Variants in DLAT observed in about 807,000 individuals in gnomAD.
DLAT encodes the protein dihydrolipoyllysine-residue acetyltransferase component of pyruvate dehydrogenase complex, mitochondrial.
In DLAT, 43 loss-of-function variants were observed where a neutral mutation model predicts 68.0. The observed-to-expected ratio is 0.63, with a 90% CI of 0.50 to 0.81. The LOEUF is 0.81. Ranked by LOEUF, DLAT falls within the 40% of genes least tolerant of loss-of-function variation. The probability of loss-of-function intolerance (pLI) is 0.00; values close to 1 mark genes in which losing one functional copy is unlikely to be tolerated. For missense variants in DLAT, 745 were observed against 815.4 expected (o/e 0.91, Z 1.05); for synonymous variants, 265 against 288.6 (o/e 0.92, Z 0.83).
At chr11:112,025,894 C>T (rs587743173) in intron 1 of DLAT, 143 bp downstream of exon 1, 8 of 1,084,620 alleles carry the variant, frequency 7.4e-6, no homozygotes, top group Admixed American at 2.7e-5. Flanking sequence ...GTTGGCTTTG[C>T]TGTAGCTCCT....
chr11:112,030,837 T>A (rs369265121), intron 4 of DLAT, among the ~76,000 whole-genome samples: 30 of 152,348 alleles, frequency 2.0e-4, no homozygotes, highest in African/African-American at 6.7e-4. Context: ...TTTTTCTCCT[T>A]TGGAAATAAT....
intron 11 of DLAT, among the ~76,000 whole-genome samples, chr11:112,052,736 T>TCG (rs1566632034): frequency 6.6e-6 from 1 of 152,070 alleles, no homozygotes; most frequent in African/African-American, 2.4e-5. Flanking sequence ...GAGTTTGATC[T>TCG]CCAGGATCTC....
chr11:112,059,855 G>A, intron 11 of DLAT, 48 bp from the exon 12 acceptor site: 4 of 1,464,010 alleles, frequency 2.7e-6, no homozygotes, highest in South Asian at 1.3e-5. Flanking sequence ...TGGCACACAG[G>A]CTCTTAATAA....
At chr11:112,036,141 G>A (rs1206673427) in intron 5 of DLAT, among the ~76,000 whole-genome samples, 1 of 134,318 alleles carries the variant, frequency 7.4e-6, no homozygotes, top group Non-Finnish European at 1.6e-5. Context: ...ATATGTGTGT[G>A]TATATATATA....
Position 112,045,844 on chromosome 11 carries a change from T to A in DLAT, c.1291-19T>A, listed in dbSNP as rs1566626056. The stretch of plus-strand genomic sequence containing the variant: ...TCTTAACTCAAGATAATTGATTTTT[T>A]AAATCTCTTTGGTTTCAGGTTATTG... On this transcript the variant is annotated intron_variant, in intron 9 of 13. Coordinates refer to ENST00000280346, the MANE Select transcript of DLAT (RefSeq NM_001931.5). 1 of 1,523,744 alleles carries A rather than the reference T, an allele frequency of 6.6e-7. No individual in the cohort carries two copies. The highest frequency in any genetic ancestry group is 9.1e-7 in the Non-Finnish European group (1 of 1,098,146). The allele number at this position is 1,523,744 out of a possible 1,614,324, so 94.4% of individuals were successfully genotyped here.
chr11:112,034,610 T>G (rs1862593576), intron 5 of DLAT, among the ~76,000 whole-genome samples: 1 of 150,826 alleles, frequency 6.6e-6, no homozygotes, highest in Middle Eastern at 3.3e-3. Context: ...GCCTGGCTAA[T>G]TTTTTGTATT....
At position 112,039,318 on chromosome 11, in the gene DLAT, A is replaced by C; in HGVS notation, c.1050A>C (p.Gly350=). 1.2e-6 allele frequency: 2 copies of C among 1,614,122 alleles called. No individual in the cohort carries two copies. The highest frequency in any genetic ancestry group is 1.7e-6 in the Non-Finnish European group (2 of 1,180,000). ...PSAPCPATPA[G]PKGRVFVSPL... is the part of the protein sequence containing the mutation. ...CACCCTGCCCAGCTACTCCTGCTGG[A>C]CCAAAGGGAAGGGTGTTTGTTAGCC... Residue 350 remains glycine (G), a synonymous_variant, in exon 7 of 14, where the codon GGA becomes GGC. Coordinates refer to ENST00000280346, the MANE Select transcript of DLAT (RefSeq NM_001931.5).
chr11:112,050,440 G>A (rs587681488), intron 10 of DLAT, among the ~76,000 whole-genome samples: 1 of 151,862 alleles, frequency 6.6e-6, no homozygotes, highest in Non-Finnish European at 1.5e-5. Context: ...GAAAGAATTT[G>A]TGAGGAATTG....
chr11:112,038,717 G>A (rs950474223), intron 6 of DLAT, among the ~76,000 whole-genome samples: 1 of 151,064 alleles, frequency 6.6e-6, no homozygotes, highest in Non-Finnish European at 1.5e-5. Context: ...GTGGTGGTGC[G>A]TGCCTTTAAT....
intron 13 of DLAT, 61 bp from the exon 14 acceptor site, chr11:112,062,345 T>C (rs1864685967): frequency 6.3e-7 from 1 of 1,585,028 alleles, no homozygotes; most frequent in Admixed American, 1.7e-5. Flanking sequence ...ATTTGGGTGG[T>C]TACTGGCTGA....
chr11:112,037,715 G>A (rs587714379), intron 6 of DLAT, among the ~76,000 whole-genome samples: 2 of 150,916 alleles, frequency 1.3e-5, no homozygotes, highest in South Asian at 4.2e-4. Flanking sequence ...TGAGTGACAT[G>A]TTCTCTTTCT....
intron 13 of DLAT, among the ~76,000 whole-genome samples, chr11:112,062,117 G>C (rs1864670864): frequency 6.6e-6 from 1 of 152,082 alleles, no homozygotes; most frequent in Admixed American, 6.6e-5. Context: ...CAAATAATCT[G>C]CCATTGTAGT....
chr11:112,047,352 TTC>T (rs1566627411), intron 10 of DLAT, among the ~76,000 whole-genome samples: 1 of 152,238 alleles, frequency 6.6e-6, no homozygotes, highest in Non-Finnish European at 1.5e-5. Context: ...TCCTTATAGA[TTC>T]TGGATATTAG....
chr11:112,060,129 C>A, intron 12 of DLAT, 64 bp downstream of exon 12: 313 of 1,066,048 alleles, frequency 2.9e-4, no homozygotes, highest in Non-Finnish European at 4.0e-4. Flanking sequence ...GCATTTATTG[C>A]ATTTTTCACC....
At chr11:112,053,962 A>T (rs1863829917) in intron 11 of DLAT, among the ~76,000 whole-genome samples, 1 of 152,158 alleles carries the variant, frequency 6.6e-6, no homozygotes. Context: ...CTTCCTACAT[A>T]CACACACATA....
chr11:112,026,886 G>A (rs1862053355), intron 2 of DLAT, among the ~76,000 whole-genome samples: 2 of 152,138 alleles, frequency 1.3e-5, no homozygotes, highest in South Asian at 4.1e-4. Flanking sequence ...TCCCAGTAGG[G>A]GCGGCTGGGC....
chr11:112,061,537 T>C, intron 13 of DLAT: 1 of 259,898 alleles, frequency 3.8e-6, no homozygotes, highest in Non-Finnish European at 7.5e-6. Flanking sequence ...CATGGATATA[T>C]GGAGGGTCAA....
At chr11:112,059,803 T>A in intron 11 of DLAT, 100 bp from the exon 12 acceptor site, 1 of 1,074,596 alleles carries the variant, frequency 9.3e-7, no homozygotes, top group East Asian at 2.6e-5. Flanking sequence ...ACACATTGGT[T>A]CAAAAAATTT....
intron 11 of DLAT, among the ~76,000 whole-genome samples, chr11:112,059,677 G>A (rs1051122507): frequency 6.6e-6 from 1 of 152,186 alleles, no homozygotes; most frequent in African/African-American, 2.4e-5. Context: ...ACAGGCATGA[G>A]CCACCGTTCC....
Sources: gnomAD v4.1 joint callset for allele counts (sites outside exome capture counted in the v4.1 genomes callset) on GRCh38, gnomAD v4.1.1 for gene constraint, MANE v1.5 for transcripts, NCBI Gene and HGNC (gene_info 2026-07-23, HGNC 2026-07-21) for gene names.